Variants in SCMH1 observed in about 807,000 individuals in gnomAD.
SCMH1 encodes Scm polycomb group protein homolog 1.
Under a neutral mutation model 70.8 loss-of-function variants are expected in SCMH1, and 37 were observed. The observed-to-expected ratio is 0.52, with a 90% CI of 0.40 to 0.69. The LOEUF (loss-of-function observed/expected upper bound fraction) is 0.69. Ranked by LOEUF, SCMH1 falls within the 30% of genes least tolerant of loss-of-function variation. SCMH1 has a pLI of 0.00. For synonymous variants in SCMH1, 292 were observed against 307.4 expected, an observed-to-expected ratio of 0.95 and a Z score of 0.52; for missense variants, 607 against 827.3, an observed-to-expected ratio of 0.73 and a Z score of 3.27.
At chr1:41,115,488 T>C (rs1310200300) in intron 7 of SCMH1, among the ~76,000 whole-genome samples, 1 of 152,170 alleles carries the variant, frequency 6.6e-6, no homozygotes, top group Non-Finnish European at 1.5e-5. Flanking sequence ...CCCAGGCTGG[T>C]GTGCAATGGT....
At chr1:41,198,684 ATT>A (rs1213361920) in intron 1 of SCMH1, among the ~76,000 whole-genome samples, 1 of 152,206 alleles carries the variant, frequency 6.6e-6, no homozygotes, top group Non-Finnish European at 1.5e-5. Flanking sequence ...GACAGTGACC[ATT>A]TCAAAGCCCA....
chr1:41,037,927 C>G (rs1490428762), intron 12 of SCMH1: 1 of 169,574 alleles, frequency 5.9e-6, no homozygotes, highest in Non-Finnish European at 1.3e-5. Flanking sequence ...TAAAAGGTGA[C>G]CCTCTGCTCA....
At chr1:41,045,857 A>C (rs1646835692) in intron 12 of SCMH1, 1 of 152,368 alleles carries the variant, frequency 6.6e-6, no homozygotes, top group Non-Finnish European at 1.5e-5. Context: ...CTGCTTTCCC[A>C]TTGTGGGTCT....
intron 10 of SCMH1, among the ~76,000 whole-genome samples, chr1:41,064,547 G>A (rs1653906338): frequency 6.6e-6 from 1 of 152,078 alleles, no homozygotes; most frequent in Admixed American, 6.6e-5. Context: ...AAGAATGCAG[G>A]ATACAAAGCT....
intron 8 of SCMH1, among the ~76,000 whole-genome samples, chr1:41,112,164 C>T (rs1399448385): frequency 6.6e-6 from 1 of 152,074 alleles, no homozygotes; most frequent in African/African-American, 2.4e-5. Context: ...TAAATGTTTA[C>T]CATCTGTTTC....
chr1:41,116,781 G>C (rs897168881), intron 7 of SCMH1, 141 bp downstream of exon 7: 1 of 526,752 alleles, frequency 1.9e-6, no homozygotes, highest in African/African-American at 1.9e-5. Flanking sequence ...GGGGATAATT[G>C]CTGCTTCATA....
intron 12 of SCMH1, among the ~76,000 whole-genome samples, chr1:41,038,325 C>T (rs1456102236): frequency 2.6e-5 from 4 of 152,172 alleles, no homozygotes; most frequent in Non-Finnish European, 5.9e-5. Flanking sequence ...ACAAAGAACC[C>T]GAAGCAGATT....
At chr1:41,049,010 C>T in intron 10 of SCMH1, 120 bp from the exon 11 acceptor site, 3 of 917,092 alleles carry the variant, frequency 3.3e-6, no homozygotes, top group Non-Finnish European at 4.9e-6. Context: ...TTCCTAGCAG[C>T]TGAGCTGGTG....
intron 8 of SCMH1, among the ~76,000 whole-genome samples, chr1:41,109,701 T>A (rs745435811): frequency 7.2e-5 from 11 of 152,126 alleles, no homozygotes; most frequent in Non-Finnish European, 1.5e-4. Flanking sequence ...CATCTTCTGT[T>A]GAAAATCTAA....
intron 8 of SCMH1, among the ~76,000 whole-genome samples, chr1:41,087,209 A>T (rs1661969098): frequency 6.6e-6 from 1 of 152,164 alleles, no homozygotes. Context: ...TCTCACACCA[A>T]ATACAAGAAT....
At chr1:41,155,480 AAAC>A (rs869301566) in intron 4 of SCMH1, among the ~76,000 whole-genome samples, 12 of 152,174 alleles carry the variant, frequency 7.9e-5, no homozygotes, top group Admixed American at 2.0e-4. Context: ...ACAAACAAAC[AAAC>A]AATATTTTGC....
At chr1:41,124,580 T>C (rs56064729) in intron 6 of SCMH1, among the ~76,000 whole-genome samples, 16,206 of 147,640 alleles carry the variant, frequency 0.11, 991 homozygotes, top group South Asian at 0.19. Flanking sequence ...ATTACATTCA[T>C]GCTGAAGAGC....
At chr1:41,107,150 G>C (rs1668152889) in intron 8 of SCMH1, among the ~76,000 whole-genome samples, 1 of 151,456 alleles carries the variant, frequency 6.6e-6, no homozygotes, top group South Asian at 2.1e-4. Context: ...TGGAAGTCTT[G>C]TCCTTTATTC....
chr1:41,027,228 C>G (rs1643929522), exon 15 of SCMH1: 2 of 152,234 alleles, frequency 1.3e-5, no homozygotes, highest in Admixed American at 1.3e-4. Context: ...TATTTATAAA[C>G]AGATTGACAT....
Position 41,034,086 on chromosome 1 carries a change from T to G in SCMH1, c.1678+3276A>C, listed in dbSNP as rs1431892313. 2.5e-6 allele frequency: 4 copies of G among 1,578,998 alleles called. No individual in the cohort carries two copies. The East Asian group carries it at 9.1e-5, about 36-fold the overall frequency. On this transcript the variant is annotated intron_variant, in intron 13 of 14. Coordinates refer to ENST00000337495, the Ensembl canonical transcript of SCMH1. Reference sequence around the variant, plus strand: ...CAGGTTGGTGTCACCATCTCCAGTTTGCACATGAGGAACATTCTGCATATG... The same window carrying G: ...CAGGTTGGTGTCACCATCTCCAGTTGGCACATGAGGAACATTCTGCATATG...
intron 1 of SCMH1, among the ~76,000 whole-genome samples, chr1:41,190,861 C>A (rs1283665959): frequency 6.6e-6 from 1 of 152,036 alleles, no homozygotes; most frequent in African/African-American, 2.4e-5. Flanking sequence ...CCTTACATAC[C>A]TAAGGTATCT....
intron 10 of SCMH1, among the ~76,000 whole-genome samples, chr1:41,054,911 G>A (rs1204560507): frequency 6.6e-6 from 1 of 152,152 alleles, no homozygotes; most frequent in Non-Finnish European, 1.5e-5. Context: ...AGCCTCCTGA[G>A]TAGCTGGTAC....
At chr1:41,114,808 C>T (rs1670054197) in intron 7 of SCMH1, among the ~76,000 whole-genome samples, 1 of 152,026 alleles carries the variant, frequency 6.6e-6, no homozygotes, top group Non-Finnish European at 1.5e-5. Flanking sequence ...TCCCAAGTAG[C>T]TGGGATTACA....
chr1:41,028,325 G>GGGTGGGGAGGTGGGCAGAAGT lies in SCMH1; in HGVS notation c.1822-27_1822-7dup. Reference sequence around the variant, plus strand: ...AGGGCCTTGCCATCGATCTCCTGGGGGGTGGGGAGGTGGGCAGAAGTGGAA... The same window carrying GGGTGGGGAGGTGGGCAGAAGT: ...AGGGCCTTGCCATCGATCTCCTGGGGGGTGGGGAGGTGGGCAGAAGTGGTGGGGAGGTGGGCAGAAGTGGAA... On this transcript the variant is annotated splice_polypyrimidine_tract_variant and splice_region_variant and intron_variant, in intron 14 of 14. Coordinates refer to ENST00000337495, the Ensembl canonical transcript of SCMH1. The GGGTGGGGAGGTGGGCAGAAGT allele has an allele frequency of 6.2e-7, 1 of 1,613,740 alleles. No individual in the cohort carries two copies. Among genetic ancestry groups the GGGTGGGGAGGTGGGCAGAAGT allele is most frequent in the Non-Finnish European group, 8.5e-7 (1 of 1,179,748 alleles).
Sources: allele counts gnomAD v4.1 joint callset (sites outside exome capture counted in the v4.1 genomes callset), GRCh38; gene constraint gnomAD v4.1.1; transcripts MANE v1.5; gene names NCBI Gene and HGNC (gene_info 2026-07-23, HGNC 2026-07-21).